The following KAT6B variants were observed in gnomAD, a reference collection of about 807,000 sequenced individuals.
The protein encoded by KAT6B is lysine acetyltransferase 6B.
A neutral mutation model predicts 187.5 loss-of-function variants in KAT6B; 10 were observed. The observed-to-expected ratio is 0.05, with a 90% CI of 0.03 to 0.09. The LOEUF (loss-of-function observed/expected upper bound fraction) is 0.09. KAT6B is among the 10% of genes least tolerant of loss of function. KAT6B has a pLI of 1.00. For missense variants in KAT6B, 1,952 were observed against 2,558.9 expected (o/e 0.76, Z 5.12); for synonymous variants, 861 against 926.8 (o/e 0.93, Z 1.29).
chr10:74,944,503 A>G (rs1434524302), intron 3 of KAT6B, among the ~76,000 whole-genome samples: 2 of 152,236 alleles, frequency 1.3e-5, no homozygotes, highest in African/African-American at 2.4e-5. Context: ...GAACAACGTC[A>G]TTAGTCATCA....
At chr10:74,958,651 T>C (rs1230340495) in intron 3 of KAT6B, among the ~76,000 whole-genome samples, 1 of 152,204 alleles carries the variant, frequency 6.6e-6, no homozygotes, top group African/African-American at 2.4e-5. Flanking sequence ...AATACTAAAA[T>C]GTATGTAGAT....
Position 74,975,665 on chromosome 10 carries a change from C to T in KAT6B, c.1328C>T (p.Thr443Ile), listed in dbSNP as rs1406069691. Residue 443 changes from threonine (T) to isoleucine (I), a missense_variant, in exon 8 of 18, where the codon ACA becomes ATA. By Grantham distance (89) the Thr-to-Ile change is moderately conservative. This residue lies in a region of KAT6B where 417 missense variants were observed against 508.9 expected (regional missense o/e 0.82). Transcript: ENST00000287239. ...ATTGATGGCCTTACTAAGTTTTTTA[C>T]ACCATCACCTGATGGTCGCAGATCA... ...GLIDGLTKFF[T>I]PSPDGRRSRG... 2 of 1,614,200 alleles carry T rather than the reference C, an allele frequency of 1.2e-6. No homozygotes were observed. The highest frequency in any genetic ancestry group is 1.7e-6 in the Non-Finnish European group (2 of 1,180,042).
intron 3 of KAT6B, among the ~76,000 whole-genome samples, chr10:74,883,985 T>G (rs902526263): frequency 3.9e-5 from 6 of 152,194 alleles, no homozygotes; most frequent in Admixed American, 3.3e-4. Flanking sequence ...TTCTTTTCTC[T>G]AACTCCCTTA....
chr10:74,842,732 T>A lies in KAT6B; in HGVS notation c.-126T>A. The stretch of plus-strand genomic sequence containing the variant: ...AGGATGGATGTTTGTAAGATGTTGC[T>A]TAATACAGTCTGGAATACTCTGTCC... On this transcript the variant is annotated 5_prime_UTR_variant, in exon 3 of 18. Coordinates refer to ENST00000287239, the MANE Select transcript of KAT6B (RefSeq NM_012330.4). 9.6e-7 allele frequency: 1 copy of A among 1,043,722 alleles called. No individual in the cohort carries two copies. Among genetic ancestry groups the A allele is most frequent in the Non-Finnish European group, 1.5e-6 (1 of 676,740 alleles). The allele number at this position is 1,043,722 out of a possible 1,614,324, so 64.7% of individuals were successfully genotyped here. A position where few individuals can be genotyped will look rare whatever the true frequency, so the allele number is the denominator to read the frequency against.
chr10:74,844,250 G>C (rs1023859680), intron 3 of KAT6B, among the ~76,000 whole-genome samples: 28 of 151,944 alleles, frequency 1.8e-4, no homozygotes, highest in Admixed American at 1.5e-3. Context: ...CCAGGCTGGA[G>C]TGCAGTGGCA....
At chr10:74,998,205 T>C (rs7924221) in intron 13 of KAT6B, among the ~76,000 whole-genome samples, 152,209 of 152,212 alleles carry the variant, frequency 1, 76,103 homozygotes, top group Middle Eastern at 1. Flanking sequence ...TCTCCTGCCT[T>C]GGCCTCCCAA....
chr10:75,003,148 CAGAA>C (rs1187505793), intron 13 of KAT6B: 1 of 152,166 alleles, frequency 6.6e-6, no homozygotes, highest in Non-Finnish European at 1.5e-5. Context: ...TCAGTTGCAT[CAGAA>C]AGAAGATGTC....
intron 3 of KAT6B, among the ~76,000 whole-genome samples, chr10:74,861,471 G>A (rs989758157): frequency 6.6e-6 from 1 of 152,206 alleles, no homozygotes; most frequent in South Asian, 2.1e-4. Context: ...AGTGCTTTGT[G>A]TATAACCTGT....
Position 74,975,592 on chromosome 10 carries a change from T to A in KAT6B, c.1255T>A (p.Tyr419Asn). 6.2e-7 allele frequency: 1 copy of A among 1,614,120 alleles called. No individual in the cohort carries two copies. Among genetic ancestry groups the A allele is most frequent in the Non-Finnish European group, 8.5e-7 (1 of 1,180,024 alleles). Residue 419 changes from tyrosine (Y) to asparagine (N), a missense_variant, in exon 8 of 18, where the codon TAC becomes AAC. Physicochemically the swap from Tyr to Asn is moderately radical, Grantham distance 143. Coordinates refer to ENST00000287239, the MANE Select transcript of KAT6B (RefSeq NM_012330.4). ...CACCAAAATCACCACCACCTCCACC[T>A]ACATTTCTGCCTCTACACTTAAAGT... ...ATTKITTTST[Y>N]ISASTLKVNK... is the part of the protein sequence containing the mutation.
chr10:74,975,350 A>G (rs747614091), intron 7 of KAT6B, 49 bp from the exon 8 acceptor site: 2 of 1,526,526 alleles, frequency 1.3e-6, no homozygotes, highest in Non-Finnish European at 9.0e-7. Flanking sequence ...AGATACCTTT[A>G]TAATTCTATT....
chr10:75,020,841 G>A (rs193095060), intron 14 of KAT6B, 28 bp downstream of exon 14: 55 of 1,591,492 alleles, frequency 3.5e-5, no homozygotes, highest in Admixed American at 2.3e-4. Context: ...GGGCAGCTCC[G>A]TGGCTCAGGC....
intron 3 of KAT6B, among the ~76,000 whole-genome samples, chr10:74,902,724 A>G (rs1238550223): frequency 2.0e-5 from 3 of 152,236 alleles, no homozygotes; most frequent in East Asian, 3.8e-4. Flanking sequence ...TGTCAGGCCT[A>G]CGTTAAAAAC....
chr10:74,955,383 T>TTCCCCCC (rs1840601518), intron 3 of KAT6B, among the ~76,000 whole-genome samples: 2 of 101,398 alleles, frequency 2.0e-5, no homozygotes, highest in African/African-American at 3.9e-5. Context: ...CACAATTTTA[T>TTCCCCCC]CCCCCCCCCC....
Position 74,976,211 on chromosome 10 carries a change from T to C in KAT6B, c.1874T>C (p.Phe625Ser), listed in dbSNP as rs760605044. The C allele has an allele frequency of 1.5e-5, 25 of 1,613,988 alleles. No individual in the cohort carries two copies. The highest frequency in any genetic ancestry group is 2.1e-5 in the Non-Finnish European group (25 of 1,180,020). Reference protein sequence around the residue: ...KAIAHFKRTTFLKKHRMLGRL... With the variant: ...KAIAHFKRTTSLKKHRMLGRL... ...ATTGCTCACTTCAAGCGAACAACTT[T>C]CCTTAAAAAGCACAGGATGCTAGGC... is the stretch of plus-strand genomic sequence containing the variant. Residue 625 changes from phenylalanine to serine, a missense_variant, in exon 8 of 18, where the codon TTC becomes TCC. This residue lies in a region of KAT6B where 417 missense variants were observed against 508.9 expected (regional missense o/e 0.82). Coordinates refer to ENST00000287239, the MANE Select transcript of KAT6B (RefSeq NM_012330.4).
intron 13 of KAT6B, among the ~76,000 whole-genome samples, chr10:74,995,119 T>TAC (rs1843346087): frequency 6.6e-6 from 1 of 152,182 alleles, no homozygotes; most frequent in Admixed American, 6.5e-5. Context: ...ACTTATGTGC[T>TAC]ACACCCTAGA....
intron 3 of KAT6B, among the ~76,000 whole-genome samples, chr10:74,844,139 G>A (rs567858232): frequency 9.7e-4 from 147 of 152,216 alleles, no homozygotes; most frequent in African/African-American, 3.4e-3. Context: ...CTCCCAAAGC[G>A]CTGGGATTAG....
rs968063530 is a variant in KAT6B, at chr10:75,032,564, C to T, written c.*1518C>T. On this transcript the variant is annotated 3_prime_UTR_variant, in exon 18 of 18. Coordinates refer to ENST00000287239, the MANE Select transcript of KAT6B (RefSeq NM_012330.4). The stretch of plus-strand genomic sequence containing the variant: ...GCTTTTCATGAAAGTTTATTTTATG[C>T]GAGTGCATACCTTCTGTATGCCAAT... 2.8e-5 allele frequency: 5 copies of T among 176,880 alleles called. No individual in the cohort carries two copies. Among genetic ancestry groups the T allele is most frequent in the East Asian group, 1.9e-4 (2 of 10,550 alleles). 11.0% of individuals were successfully genotyped at this position (176,880 alleles called of 1,614,324 possible). A position where few individuals can be genotyped will look rare whatever the true frequency, so the allele number is the denominator to read the frequency against.
At chr10:74,843,655 C>T (rs1269949071) in intron 3 of KAT6B, among the ~76,000 whole-genome samples, 177 bp downstream of exon 3, 1 of 152,076 alleles carries the variant, frequency 6.6e-6, no homozygotes, top group African/African-American at 2.4e-5. Flanking sequence ...GTGTGGAGGA[C>T]TTCCTCACTG....
At chr10:74,859,309 C>T (rs12217808) in intron 3 of KAT6B, among the ~76,000 whole-genome samples, 46,423 of 150,932 alleles carry the variant, frequency 0.31, 12,539 homozygotes, top group African/African-American at 0.71. Context: ...GGTTTTGAAC[C>T]CCTGGCCTCA....
Sources: gnomAD v4.1 joint callset for allele counts (sites outside exome capture counted in the v4.1 genomes callset) on GRCh38, gnomAD v4.1.1 for gene constraint, gnomAD v4.1.1 regional missense constraint, MANE v1.5 for transcripts, NCBI Gene and HGNC (gene_info 2026-07-23, HGNC 2026-07-21) for gene names.